Variants in SAMD5 observed in about 807,000 individuals in gnomAD.
The protein encoded by SAMD5 is sterile alpha motif domain-containing protein 5.
A neutral mutation model predicts 11.3 loss-of-function variants in SAMD5; 13 were observed. The observed-to-expected ratio is 1.15, with a 90% CI of 0.75 to 1.83. The LOEUF (loss-of-function observed/expected upper bound fraction) is 1.83, where lower values mean the gene tolerates loss of function less well. SAMD5 is among the 40% of genes most tolerant of loss of function. The probability of loss-of-function intolerance (pLI) is 0.00; values close to 1 mark genes in which losing one functional copy is unlikely to be tolerated. For synonymous variants in SAMD5, 129 were observed against 111.3 expected (o/e 1.16, Z -1.00); for missense variants, 255 against 239.1 (o/e 1.07, Z -0.44).
At chr6:147,877,836 T>C in the SAMD5 span, among the ~76,000 whole-genome samples, 122,189 of 147,000 alleles carry the variant, frequency 0.83, 51,130 homozygotes, top group African/African-American at 0.91. Context: ...CCCTCTCTCC[T>C]TTTATATAAA....
At chr6:147,696,366 A>G (rs1191474109) in intron 1 of SAMD5, among the ~76,000 whole-genome samples, 1 of 152,216 alleles carries the variant, frequency 6.6e-6, no homozygotes, top group African/African-American at 2.4e-5. Context: ...ATTCTTCATA[A>G]GATAGCAGAT....
chr6:147,753,059 A>C, the SAMD5 span, among the ~76,000 whole-genome samples: 1 of 152,224 alleles, frequency 6.6e-6, no homozygotes, highest in Non-Finnish European at 1.5e-5. Context: ...ATATGATTTT[A>C]CAAGGAGTAT....
At chr6:147,903,638 G>T in the SAMD5 span, among the ~76,000 whole-genome samples, 1 of 152,110 alleles carries the variant, frequency 6.6e-6, no homozygotes, top group Non-Finnish European at 1.5e-5. Context: ...AGCCGGGTGC[G>T]GTGGCTCACG....
chr6:147,555,073 G>C (rs1034517712), intron 1 of SAMD5, among the ~76,000 whole-genome samples: 1 of 152,150 alleles, frequency 6.6e-6, no homozygotes, highest in African/African-American at 2.4e-5. Context: ...ACATATACCT[G>C]CCAAAAGAAG....
At chr6:147,804,129 T>TTTTTTG in the SAMD5 span, among the ~76,000 whole-genome samples, 3 of 135,386 alleles carry the variant, frequency 2.2e-5, no homozygotes, top group African/African-American at 7.9e-5. Flanking sequence ...TTTTTTTTTT[T>TTTTTTG]GATACAGTCT....
chr6:147,743,190 G>T, the SAMD5 span: 1 of 152,142 alleles, frequency 6.6e-6, no homozygotes, highest in African/African-American at 2.4e-5. Flanking sequence ...TGGGGTTATG[G>T]TTTAACTTTA....
chr6:147,789,009 G>C, the SAMD5 span, among the ~76,000 whole-genome samples: 5 of 151,846 alleles, frequency 3.3e-5, no homozygotes, highest in African/African-American at 9.7e-5. Context: ...GTGTGAACCT[G>C]GGAGGTGGAG....
intron 1 of SAMD5, among the ~76,000 whole-genome samples, chr6:147,687,152 A>T (rs1791023421): frequency 6.6e-6 from 1 of 152,126 alleles, no homozygotes; most frequent in Non-Finnish European, 1.5e-5. Flanking sequence ...CCTACAAGGC[A>T]TAATTACTAT....
chr6:147,590,559 C>G (rs533194920), intron 1 of SAMD5, among the ~76,000 whole-genome samples: 1 of 152,088 alleles, frequency 6.6e-6, no homozygotes, highest in Non-Finnish European at 1.5e-5. Context: ...ATTACAGGCA[C>G]GCACTGCCAT....
chr6:147,795,861 G>C, the SAMD5 span, among the ~76,000 whole-genome samples: 6 of 151,364 alleles, frequency 4.0e-5, no homozygotes, highest in South Asian at 2.1e-4. Flanking sequence ...GCATAAATGT[G>C]TTCTTTTGAG....
At chr6:147,666,909 G>A (rs1790730931) in intron 1 of SAMD5, among the ~76,000 whole-genome samples, 1 of 152,114 alleles carries the variant, frequency 6.6e-6, no homozygotes, top group African/African-American at 2.4e-5. Context: ...TATCCGTCAA[G>A]CTTTCTCACC....
chr6:147,622,352 T>C (rs541378143), intron 1 of SAMD5, among the ~76,000 whole-genome samples: 2 of 152,392 alleles, frequency 1.3e-5, no homozygotes, highest in African/African-American at 2.4e-5. Context: ...GTATCATTTT[T>C]ATTTTTCTAT....
chr6:147,813,068 C>T, the SAMD5 span, among the ~76,000 whole-genome samples: 1 of 152,166 alleles, frequency 6.6e-6, no homozygotes, highest in African/African-American at 2.4e-5. Context: ...AATCAGGAGA[C>T]AAGTACTTCT....
At chr6:147,836,098 G>C in the SAMD5 span, among the ~76,000 whole-genome samples, 1 of 152,116 alleles carries the variant, frequency 6.6e-6, no homozygotes, top group Non-Finnish European at 1.5e-5. Flanking sequence ...TCCATTCACT[G>C]TAACTACTTC....
intron 1 of SAMD5, among the ~76,000 whole-genome samples, chr6:147,715,282 A>G (rs1791450858): frequency 1.3e-5 from 2 of 152,212 alleles, no homozygotes; most frequent in African/African-American, 4.8e-5. Flanking sequence ...GAGGAGTTTG[A>G]GAGTGAGCAT....
chr6:147,516,160 C>T (rs1788167643), intron 1 of SAMD5, among the ~76,000 whole-genome samples: 1 of 152,154 alleles, frequency 6.6e-6, no homozygotes, highest in Non-Finnish European at 1.5e-5. Context: ...GTAGGCATTC[C>T]TCAAATCATA....
At chr6:147,870,027 A>G in the SAMD5 span, among the ~76,000 whole-genome samples, 1 of 152,096 alleles carries the variant, frequency 6.6e-6, no homozygotes, top group African/African-American at 2.4e-5. Flanking sequence ...TATAAGAATT[A>G]TTAATGGGAT....
intron 1 of SAMD5, among the ~76,000 whole-genome samples, chr6:147,563,217 T>G (rs373612235): frequency 3.3e-5 from 5 of 152,192 alleles, no homozygotes; most frequent in Admixed American, 3.3e-4. Flanking sequence ...AGCTAACATA[T>G]TGCCGTCAGC....
In SAMD5 at chr6:147,509,205, G is replaced by T; in HGVS notation, c.277G>T (p.Gly93Cys). The change falls in exon 1 of 2, where the codon GGC (glycine) becomes TGC (cysteine). Residue 93 changes from glycine (G) to cysteine (C), a missense_variant. Coordinates refer to ENST00000367474, the MANE Select transcript of SAMD5 (RefSeq NM_001030060.3). ...PGPPADAVPT[G>C]RRGEPCGGPA... ...GCCGCCCGCCGACGCCGTCCCCACC[G>T]GCCGCCGGGGGGAGCCGTGCGGCGG... 1 of 1,299,940 alleles carries T rather than the reference G, an allele frequency of 7.7e-7. No individual in the cohort carries two copies. Among genetic ancestry groups the T allele is most frequent in the Non-Finnish European group, 9.8e-7 (1 of 1,025,336 alleles). The allele number at this position is 1,299,940 out of a possible 1,614,324, so 80.5% of individuals were successfully genotyped here. A position where few individuals can be genotyped will look rare whatever the true frequency, so the allele number is the denominator to read the frequency against.
Sources: allele counts gnomAD v4.1 joint callset (sites outside exome capture counted in the v4.1 genomes callset), GRCh38; gene constraint gnomAD v4.1.1; transcripts MANE v1.5; gene names NCBI Gene and HGNC (gene_info 2026-07-23, HGNC 2026-07-21).